The following PHYH variants were observed in gnomAD, a reference collection of about 807,000 sequenced individuals.
PHYH encodes the protein phytanoyl-CoA 2-hydroxylase.
In PHYH, 32 loss-of-function variants were observed where a neutral mutation model predicts 38.5. That is an observed-to-expected ratio of 0.83 (90% confidence interval 0.63 to 1.12). PHYH has a LOEUF of 1.12. Among genes scored for constraint, PHYH ranks in the 50% most tolerant of loss-of-function variants. PHYH has a pLI of 0.00. For synonymous variants in PHYH, 166 were observed against 157.9 expected (o/e 1.05, Z -0.38); for missense variants, 426 against 434.8 (o/e 0.98, Z 0.18).
At chr10:13,280,375 C>T (rs1462369063) in intron 8 of PHYH, among the ~76,000 whole-genome samples, 2 of 152,178 alleles carry the variant, frequency 1.3e-5, no homozygotes, top group African/African-American at 4.8e-5. Context: ...TGGTCTCACT[C>T]TGTCACCCAG....
chr10:13,287,753 T>C (rs1175742066), intron 6 of PHYH, among the ~76,000 whole-genome samples: 1 of 152,214 alleles, frequency 6.6e-6, no homozygotes, highest in African/African-American at 2.4e-5. Flanking sequence ...CATCAGTTAG[T>C]GAGTAAGACT....
chr10:13,280,599 G>A (rs60943380), intron 8 of PHYH, among the ~76,000 whole-genome samples: 37,682 of 152,078 alleles, frequency 0.25, 4,811 homozygotes, highest in African/African-American at 0.3. Context: ...TCCTGCTTTG[G>A]CTTCCCAAAG....
intron 1 of PHYH, 64 bp from the exon 2 acceptor site, chr10:13,298,309 G>A (rs1179423822): frequency 4.1e-6 from 4 of 985,586 alleles, no homozygotes; most frequent in Middle Eastern, 2.2e-4. Flanking sequence ...GCTCATGCCT[G>A]TAATTCCAGC....
rs613094 is a variant in PHYH, at chr10:13,284,098, G to A, written c.679-259C>T. Among the ~76,000 whole-genome samples, 1,313 of 152,238 alleles carry A rather than the reference G, an allele frequency of 8.6e-3. 33 individuals are homozygous for A. The highest frequency in any genetic ancestry group is 0.03 in the African/African-American group (1,262 of 41,544). ...ATCTCTTTGGGAGGCCAAGTTGGGA[G>A]AATTGCTTATGCTCAGGAGTTTGAG... On this transcript the variant is annotated intron_variant, in intron 6 of 8. Coordinates refer to ENST00000263038, the MANE Select transcript of PHYH (RefSeq NM_006214.4).
At chr10:13,282,505 T>G (rs1303476483) in intron 7 of PHYH, among the ~76,000 whole-genome samples, 1 of 149,722 alleles carries the variant, frequency 6.7e-6, no homozygotes, top group African/African-American at 2.5e-5. Context: ...GGCAGGAGAA[T>G]TGCTTGAACC....
intron 8 of PHYH, among the ~76,000 whole-genome samples, chr10:13,278,677 C>T (rs976552871): frequency 6.6e-6 from 1 of 151,264 alleles, no homozygotes; most frequent in South Asian, 2.1e-4. Context: ...TACAGGTGTG[C>T]ACCACCACGC....
At chr10:13,279,639 G>T (rs534300686) in intron 8 of PHYH, among the ~76,000 whole-genome samples, 20 of 152,282 alleles carry the variant, frequency 1.3e-4, no homozygotes, top group African/African-American at 4.8e-4. Flanking sequence ...ATAAGAAAAT[G>T]AATATGAATG....
At chr10:13,286,692 T>A in intron 6 of PHYH, among the ~76,000 whole-genome samples, 1 of 102,950 alleles carries the variant, frequency 9.7e-6, no homozygotes, top group Admixed American at 9.1e-5. Context: ...AGAGTGAGAC[T>A]CTGTCTCAAA....
intron 5 of PHYH, among the ~76,000 whole-genome samples, chr10:13,289,052 A>G (rs1400851746): frequency 2.0e-5 from 3 of 152,106 alleles, no homozygotes; most frequent in Non-Finnish European, 4.4e-5. Flanking sequence ...CCGGAGAGAT[A>G]AACACCAAAT....
chr10:13,294,338 G>A, intron 4 of PHYH, 90 bp downstream of exon 4: 1 of 1,187,122 alleles, frequency 8.4e-7, no homozygotes, highest in Non-Finnish European at 1.3e-6. Context: ...TTACAGGAGT[G>A]AGCCACTGCG....
rs142720126 is a variant in PHYH at position 13,283,801 on chromosome 10, G to C, written c.717C>G (p.Tyr239Ter). Residue 239 changes from tyrosine to a stop codon, truncating the protein, a stop_gained, in exon 7 of 9, where the codon TAC becomes TAG. Transcript: ENST00000263038. LOFTEE classifies it high-confidence loss of function. ...GGTGCACCCGGGCCTTGTTTTCCTC[G>C]TAGTCCTGGATCCCGTGGAACATTT... ...VNKMFHGIQD[Y>*]EENKARVHLV... The C allele has an allele frequency of 1.2e-6, 2 of 1,613,930 alleles. No homozygotes were observed. The highest frequency in any genetic ancestry group is 1.1e-5 in the South Asian group (1 of 91,058).
chr10:13,295,495 C>A lies in PHYH; in HGVS notation c.245+1G>T. On this transcript the variant is annotated splice_donor_variant, in intron 3 of 8. Coordinates refer to ENST00000263038, the MANE Select transcript of PHYH (RefSeq NM_006214.4). LOFTEE classifies it high-confidence loss of function. ...TAAAATAACAAATAGTGTTACTGTA[C>A]CGAAAGCGTTGAATATCGGCATCAG... 2 of 1,409,900 alleles carry A rather than the reference C, an allele frequency of 1.4e-6. No homozygotes were observed. The highest frequency in any genetic ancestry group is 1.4e-5 in the African/African-American group (1 of 71,194). 87.3% of individuals were successfully genotyped at this position (1,409,900 alleles called of 1,614,324 possible).
intron 8 of PHYH, among the ~76,000 whole-genome samples, chr10:13,279,600 T>C (rs3802576): frequency 0.27 from 40,417 of 152,070 alleles, 5,544 homozygotes; most frequent in African/African-American, 0.33. Flanking sequence ...ATGGAGTTTA[T>C]ACTGCCCCAC....
In PHYH at chr10:13,294,489, A is replaced by G. The variant is rs1032242814; in HGVS notation, c.353T>C (p.Ile118Thr). Reference sequence around the variant, plus strand: ...TTCCTGGAAATCCTGGACCTTCGTGATCATCTTCTCACTTGGAGCATATTC... The same window carrying G: ...TTCCTGGAAATCCTGGACCTTCGTGGTCATCTTCTCACTTGGAGCATATTC... ...KSEYAPSEKM[I>T]TKVQDFQEDK... Residue 118 changes from isoleucine (I) to threonine (T), a missense_variant, in exon 4 of 9, where the codon ATC (isoleucine) becomes ACC (threonine). Physicochemically the swap from Ile to Thr is moderately conservative, Grantham distance 89 (BLOSUM62 -1). Transcript: ENST00000263038. 1.4e-5 allele frequency: 22 copies of G among 1,613,964 alleles called. No homozygotes were observed. The highest frequency in any genetic ancestry group is 1.7e-5 in the Non-Finnish European group (20 of 1,179,942).
chr10:13,286,111 C>T (rs576577195), intron 6 of PHYH, among the ~76,000 whole-genome samples: 53 of 151,794 alleles, frequency 3.5e-4, no homozygotes, highest in African/African-American at 1.2e-3. Context: ...GAGACCTCAC[C>T]GTGTTGCCCA....
intron 1 of PHYH, among the ~76,000 whole-genome samples, chr10:13,298,514 A>C (rs1210193184): frequency 6.6e-6 from 1 of 152,030 alleles, no homozygotes; most frequent in African/African-American, 2.4e-5. Flanking sequence ...CAGCCTGACC[A>C]ATATGGTGAA....
intron 2 of PHYH, 23 bp downstream of exon 2, chr10:13,298,164 A>G (rs768450133): frequency 1.3e-6 from 2 of 1,515,870 alleles, no homozygotes; most frequent in East Asian, 4.5e-5. Flanking sequence ...ATATATTTCA[A>G]AATCAAAACT....
At chr10:13,298,645 G>C (rs374865759) in intron 1 of PHYH, among the ~76,000 whole-genome samples, 2 of 151,504 alleles carry the variant, frequency 1.3e-5, no homozygotes, top group East Asian at 3.9e-4. Context: ...AGATTGCAGT[G>C]AGCTGAGATC....
intron 4 of PHYH, 73 bp downstream of exon 4, chr10:13,294,355 C>G: frequency 4.1e-6 from 6 of 1,462,920 alleles, no homozygotes; most frequent in Non-Finnish European, 5.7e-6. Context: ...TGCGCCCGGC[C>G]AAATCAGCGG....
Sources: gnomAD v4.1 joint callset for allele counts (sites outside exome capture counted in the v4.1 genomes callset) on GRCh38, gnomAD v4.1.1 for gene constraint, MANE v1.5 for transcripts, NCBI Gene and HGNC (gene_info 2026-07-23, HGNC 2026-07-21) for gene names.